NRG1: variants seen among roughly 807,000 people sequenced by gnomAD.
NRG1 encodes neuregulin 1, also known as pro-neuregulin-1, membrane-bound isoform.
Under a neutral mutation model 63.8 loss-of-function variants are expected in NRG1, and 18 were observed. The observed-to-expected ratio is 0.28, with a 90% confidence interval of 0.19 to 0.42. The LOEUF is 0.42. Among genes scored for constraint, NRG1 ranks in the 10% least tolerant of loss-of-function variants. The probability of loss-of-function intolerance (pLI) is 1.00; values close to 1 mark genes in which losing one functional copy is unlikely to be tolerated. For missense variants in NRG1, 762 were observed against 814.7 expected (o/e 0.94, Z 0.79); for synonymous variants, 302 against 301.3 (o/e 1.00, Z -0.02).
chr8:32,353,504 G>A (rs1459692276), intron 1 of NRG1, among the ~76,000 whole-genome samples: 1 of 151,932 alleles, frequency 6.6e-6, no homozygotes, highest in Admixed American at 6.6e-5. Context: ...AGAAAAATGG[G>A]CAAGGTTTGA....
chr8:31,833,530 A>G (rs895935171), intron 1 of NRG1, among the ~76,000 whole-genome samples: 1 of 152,218 alleles, frequency 6.6e-6, no homozygotes, highest in Non-Finnish European at 1.5e-5. Context: ...TTATATCCTA[A>G]GTAGCCTACT....
chr8:31,719,605 T>A (rs945123714), intron 1 of NRG1, among the ~76,000 whole-genome samples: 5 of 152,172 alleles, frequency 3.3e-5, no homozygotes, highest in African/African-American at 1.2e-4. Context: ...ATCGCTGCGG[T>A]TACTTTAGAA....
At chr8:32,095,208 C>A (rs1475205519) in intron 1 of NRG1, among the ~76,000 whole-genome samples, 1 of 152,140 alleles carries the variant, frequency 6.6e-6, no homozygotes, top group Non-Finnish European at 1.5e-5. Flanking sequence ...CTGCGCCGTG[C>A]CATTTTCAGC....
chr8:32,224,280 G>A (rs57712160), intron 1 of NRG1, among the ~76,000 whole-genome samples: 6,544 of 152,128 alleles, frequency 0.043, 237 homozygotes, highest in Middle Eastern at 0.1. Flanking sequence ...TTGGTCGATC[G>A]CAGGATGATC....
At chr8:32,165,165 A>G (rs1286903203) in intron 1 of NRG1, among the ~76,000 whole-genome samples, 2 of 150,514 alleles carry the variant, frequency 1.3e-5, no homozygotes. Context: ...CAGAGACAGT[A>G]TCTCATTCTG....
intron 6 of NRG1, among the ~76,000 whole-genome samples, chr8:32,735,716 G>A (rs1437617916): frequency 1.3e-5 from 2 of 152,172 alleles, no homozygotes; most frequent in Non-Finnish European, 2.9e-5. Flanking sequence ...ATCATGTAGA[G>A]TAAACATGGG....
chr8:31,968,520 G>A (rs1178003665), intron 1 of NRG1, among the ~76,000 whole-genome samples: 1 of 152,104 alleles, frequency 6.6e-6, no homozygotes, highest in Non-Finnish European at 1.5e-5. Context: ...CCCCAAAAGA[G>A]CAGAGACCCT....
intron 1 of NRG1, among the ~76,000 whole-genome samples, chr8:31,698,405 C>T (rs975419854): frequency 1.3e-5 from 2 of 152,092 alleles, no homozygotes; most frequent in African/African-American, 2.4e-5. Flanking sequence ...TGTCCTTTCA[C>T]TTGGAAATAA....
chr8:32,735,774 C>T (rs948959450), intron 6 of NRG1, among the ~76,000 whole-genome samples: 1 of 152,136 alleles, frequency 6.6e-6, no homozygotes, highest in Non-Finnish European at 1.5e-5. Context: ...GCAAGCTGTG[C>T]AAACAGAGAT....
At chr8:32,721,953 A>C in intron 5 of NRG1, 1 of 1,541,686 alleles carries the variant, frequency 6.5e-7, no homozygotes, top group Non-Finnish European at 8.7e-7. Context: ...TATTCAGAGC[A>C]AGAATAATAA....
intron 1 of NRG1, among the ~76,000 whole-genome samples, chr8:32,591,315 G>C (rs140029796): frequency 3.1e-4 from 47 of 152,276 alleles, no homozygotes; most frequent in Non-Finnish European, 5.9e-4. Flanking sequence ...GCAAGAGAGA[G>C]AAATTCAGGC....
chr8:32,415,365 C>CAAA (rs5890647), intron 1 of NRG1, among the ~76,000 whole-genome samples: 10 of 115,322 alleles, frequency 8.7e-5, no homozygotes, highest in East Asian at 5.3e-4. Flanking sequence ...GACTCTGTCT[C>CAAA]AAAAAAAAAA....
chr8:32,717,559 C>G (rs1455354570), intron 5 of NRG1, among the ~76,000 whole-genome samples: 1 of 152,158 alleles, frequency 6.6e-6, no homozygotes, highest in Non-Finnish European at 1.5e-5. Flanking sequence ...GAGCAAGATT[C>G]ATATGCTCAA....
chr8:31,639,927 G>C (rs956813117), intron 1 of NRG1: 15 of 1,117,736 alleles, frequency 1.3e-5, no homozygotes, highest in Non-Finnish European at 1.6e-5. Flanking sequence ...GGGAGGCAGC[G>C]CGAGAGAGCC....
intron 1 of NRG1, among the ~76,000 whole-genome samples, chr8:32,308,769 A>T (rs1051619571): frequency 2.0e-5 from 3 of 152,182 alleles, no homozygotes; most frequent in Non-Finnish European, 2.9e-5. Flanking sequence ...AAGACCAATT[A>T]AAAAAGGGGG....
intron 1 of NRG1, among the ~76,000 whole-genome samples, chr8:31,741,610 C>T (rs1490872478): frequency 1.3e-5 from 2 of 151,844 alleles, no homozygotes; most frequent in Non-Finnish European, 2.9e-5. Context: ...GGCCGATAAA[C>T]ATTAAAAGGT....
At position 32,554,857 on chromosome 8, in the gene NRG1, G is replaced by A. The variant is rs372052452; in HGVS notation, c.100+6031G>A. On this transcript the variant is annotated intron_variant, in intron 1 of 11. Coordinates refer to ENST00000356819, the Ensembl canonical transcript of NRG1. ...CTATGCCCCATGTCACCTTTTTCTG[G>A]CCTCCAGAGGGTGCTCCAGGAGCAT... is the stretch of plus-strand genomic sequence containing the variant. Among the ~76,000 whole-genome samples the A allele has an allele frequency of 4.0e-5, 6 of 151,718 alleles. No individual in the cohort carries two copies. The South Asian group carries it at 6.3e-4, about 16-fold the overall frequency.
At chr8:32,612,053 G>A (rs1846458135) in intron 3 of NRG1, among the ~76,000 whole-genome samples, 1 of 152,006 alleles carries the variant, frequency 6.6e-6, no homozygotes, top group Non-Finnish European at 1.5e-5. Context: ...TGCCTGTTCA[G>A]CATAAGTTGC....
At chr8:32,132,069 C>G (rs938193301) in intron 1 of NRG1, among the ~76,000 whole-genome samples, 1 of 151,950 alleles carries the variant, frequency 6.6e-6, no homozygotes, top group Admixed American at 6.6e-5. Flanking sequence ...TGGGCTGAAG[C>G]CACTATGTTT....
Sources: allele counts gnomAD v4.1 joint callset (sites outside exome capture counted in the v4.1 genomes callset), GRCh38; gene constraint gnomAD v4.1.1; transcripts MANE v1.5; gene names NCBI Gene and HGNC (gene_info 2026-07-23, HGNC 2026-07-21).